BTBD9: variants seen among roughly 807,000 people sequenced by gnomAD.
BTBD9 encodes the protein BTB domain containing 9, also known as BTB/POZ domain-containing protein 9.
Under a neutral mutation model 64.3 loss-of-function variants are expected in BTBD9, and 49 were observed. The ratio of observed to expected loss-of-function variants is 0.76; its 90% CI spans 0.61 to 0.97. The LOEUF (loss-of-function observed/expected upper bound fraction) is 0.97, where lower values mean the gene tolerates loss of function less well. BTBD9 is among the 50% of genes least tolerant of loss of function. The probability of loss-of-function intolerance (pLI) is 0.00; values close to 1 mark genes in which losing one functional copy is unlikely to be tolerated. For synonymous variants in BTBD9, 260 were observed against 274.7 expected, an observed-to-expected ratio of 0.95 and a Z score of 0.53; for missense variants, 598 against 762.1, an observed-to-expected ratio of 0.78 and a Z score of 2.53.
intron 8 of BTBD9, among the ~76,000 whole-genome samples, chr6:38,287,382 C>T (rs1296281458): frequency 6.6e-6 from 1 of 151,832 alleles, no homozygotes; most frequent in Non-Finnish European, 1.5e-5. Flanking sequence ...AGCTTTCAAG[C>T]GATCCGCCCA....
At chr6:38,577,169 A>G (rs948164371) in intron 6 of BTBD9, among the ~76,000 whole-genome samples, 1 of 152,190 alleles carries the variant, frequency 6.6e-6, no homozygotes, top group African/African-American at 2.4e-5. Context: ...AATGGCATTC[A>G]AAGATGTCCT....
chr6:38,301,651 G>T (rs1762407301), intron 7 of BTBD9, among the ~76,000 whole-genome samples: 1 of 152,162 alleles, frequency 6.6e-6, no homozygotes, highest in Non-Finnish European at 1.5e-5. Context: ...TTGCGTAGAG[G>T]TGTTTATAGT....
chr6:38,258,610 G>A (rs1764685021), intron 8 of BTBD9, among the ~76,000 whole-genome samples: 1 of 152,186 alleles, frequency 6.6e-6, no homozygotes, highest in African/African-American at 2.4e-5. Flanking sequence ...AGCAATAATG[G>A]CCGGGCGCAG....
intron 7 of BTBD9, among the ~76,000 whole-genome samples, chr6:38,302,820 C>T (rs2127564996): frequency 6.6e-6 from 1 of 152,000 alleles, no homozygotes; most frequent in Non-Finnish European, 1.5e-5. Context: ...TCTTTTTTAT[C>T]TTTTTGATAC....
Position 38,192,513 on chromosome 6 carries a change from C to T in BTBD9, c.1641+6G>A, listed in dbSNP as rs202162550. 1.2e-5 allele frequency: 20 copies of T among 1,612,350 alleles called. No individual in the cohort carries two copies. In the East Asian group the frequency reaches 4.2e-4, roughly 34 times the overall value. On this transcript the variant is annotated splice_donor_region_variant and intron_variant, in intron 10 of 10. Coordinates refer to ENST00000481247, the MANE Select transcript of BTBD9 (RefSeq NM_001099272.2). ...CATGGCACCTCTCATGAAAAGAGAC[C>T]CTTACCTCATTTGCTGTGTTGTGTG...
chr6:38,422,609 T>A (rs1767957709), intron 6 of BTBD9, among the ~76,000 whole-genome samples: 1 of 152,074 alleles, frequency 6.6e-6, no homozygotes, highest in East Asian at 1.9e-4. Flanking sequence ...AGAATAGGGA[T>A]CCCTGTAGAA....
chr6:38,192,400 A>T lies in BTBD9; in HGVS notation c.1641+119T>A, dbSNP rs1696819493. ...CAACTGCAGGACTTTCTCCACACCA[A>T]GCTGTCTGAATAGCAGGCCATTAGC... On this transcript the variant is annotated intron_variant, in intron 10 of 10. Transcript: ENST00000481247. The T allele has an allele frequency of 8.1e-6, 7 of 865,560 alleles. No individual in the cohort carries two copies. The Admixed American group carries it at 1.5e-4, about 19-fold the overall frequency. The allele number at this position is 865,560 out of a possible 1,614,324, so 53.6% of individuals were successfully genotyped here.
chr6:38,490,454 G>A (rs1771655515), intron 6 of BTBD9, among the ~76,000 whole-genome samples: 1 of 152,108 alleles, frequency 6.6e-6, no homozygotes, highest in Non-Finnish European at 1.5e-5. Context: ...CCGAGTAGCT[G>A]GGATTACAGG....
intron 6 of BTBD9, among the ~76,000 whole-genome samples, chr6:38,380,095 A>C (rs1377952698): frequency 6.6e-6 from 1 of 152,192 alleles, no homozygotes; most frequent in East Asian, 1.9e-4. Context: ...TATGCTCTTT[A>C]GTACTATTTG....
intron 6 of BTBD9, among the ~76,000 whole-genome samples, chr6:38,544,670 T>C (rs1774446279): frequency 6.6e-6 from 1 of 151,878 alleles, no homozygotes; most frequent in African/African-American, 2.4e-5. Flanking sequence ...CTTATGCCTA[T>C]AATCCCAGCA....
Position 38,340,414 on chromosome 6 carries a change from A to G in BTBD9, c.1264+4570T>C, listed in dbSNP as rs892807190. ...AAGCACGGAACTATCAAGGACTACT[A>G]AAGTCTTATCAAAAGGACTCAAAAA... On this transcript the variant is annotated intron_variant, in intron 7 of 10. Coordinates refer to ENST00000481247, the MANE Select transcript of BTBD9 (RefSeq NM_001099272.2). Among the ~76,000 whole-genome samples the G allele has an allele frequency of 2.0e-5, 3 of 152,214 alleles. 1 individual carries two copies. The highest frequency in any genetic ancestry group is 1.3e-4 in the Admixed American group (2 of 15,284).
At chr6:38,602,081 C>T (rs1777265503) in intron 1 of BTBD9, among the ~76,000 whole-genome samples, 1 of 151,996 alleles carries the variant, frequency 6.6e-6, no homozygotes, top group South Asian at 2.1e-4. Flanking sequence ...TAAAAAGATC[C>T]ATATTTTCAA....
chr6:38,418,216 C>A (rs1225608453), intron 6 of BTBD9, among the ~76,000 whole-genome samples: 1 of 152,188 alleles, frequency 6.6e-6, no homozygotes, highest in African/African-American at 2.4e-5. Context: ...CACAAAATCA[C>A]TCTTTCTGAC....
chr6:38,198,227 T>C (rs1256154989), intron 9 of BTBD9, among the ~76,000 whole-genome samples: 1 of 151,256 alleles, frequency 6.6e-6, no homozygotes, highest in Non-Finnish European at 1.5e-5. Flanking sequence ...TTGCTGGAGA[T>C]GGAATTAGCT....
chr6:38,296,008 A>G (rs1582182149), intron 7 of BTBD9, among the ~76,000 whole-genome samples: 3 of 152,060 alleles, frequency 2.0e-5, no homozygotes, highest in Admixed American at 2.0e-4. Flanking sequence ...AGATCATGCC[A>G]CTCCACTCCA....
chr6:38,630,683 T>C (rs1778332634), intron 1 of BTBD9, among the ~76,000 whole-genome samples: 1 of 152,244 alleles, frequency 6.6e-6, no homozygotes, highest in Non-Finnish European at 1.5e-5. Flanking sequence ...TTATACTTGT[T>C]AGGGGTCAGG....
chr6:38,316,027 C>T (rs563473681), intron 7 of BTBD9, among the ~76,000 whole-genome samples: 1 of 152,288 alleles, frequency 6.6e-6, no homozygotes, highest in Admixed American at 6.5e-5. Context: ...GTCATATCCT[C>T]TTACTGAGTT....
chr6:38,591,172 G>C (rs1224156887), intron 4 of BTBD9, among the ~76,000 whole-genome samples: 1 of 152,122 alleles, frequency 6.6e-6, no homozygotes, highest in African/African-American at 2.4e-5. Flanking sequence ...TAGTTTCCAA[G>C]ACTTCCATAA....
intron 9 of BTBD9, chr6:38,193,702 C>T (rs1201690095): frequency 1.9e-6 from 1 of 533,952 alleles, no homozygotes; most frequent in East Asian, 1.5e-4. Flanking sequence ...ACAGTTGCTG[C>T]CATCCCTCCT....
Sources: allele counts gnomAD v4.1 joint callset (sites outside exome capture counted in the v4.1 genomes callset), GRCh38; gene constraint gnomAD v4.1.1; transcripts MANE v1.5; gene names NCBI Gene and HGNC (gene_info 2026-07-23, HGNC 2026-07-21).